Variants in PCDHGA10 observed in about 807,000 individuals in gnomAD.
The protein encoded by PCDHGA10 is protocadherin gamma-A10.
PCDHGA10 carries 42 observed loss-of-function variants against 59.5 expected under a neutral mutation model. The ratio of observed to expected loss-of-function variants is 0.71; its 90% CI spans 0.55 to 0.91. PCDHGA10 has a LOEUF of 0.91. Ranked by LOEUF, PCDHGA10 falls within the 40% of genes least tolerant of loss-of-function variation. The pLI is 0.00. For missense variants in PCDHGA10, 1,111 were observed against 1,198.2 expected, an observed-to-expected ratio of 0.93 and a Z score of 1.07; for synonymous variants, 511 against 517.2, an observed-to-expected ratio of 0.99 and a Z score of 0.16.
Position 141,477,535 on chromosome 5 carries a change from G to A in PCDHGA10, c.2437-17272G>A, listed in dbSNP as rs2099412713. ...ACATTGAAGAAAACAACCTCCCCGG[G>A]GCTCCAATACTAAACCTAAGTGTCT... On this transcript the variant is annotated intron_variant, in intron 1 of 3. Transcript: ENST00000398610. The surrounding 1 kb of genome is among the most constrained non-coding windows in gnomAD (Gnocchi z 4.9). 1.2e-6 allele frequency: 2 copies of A among 1,613,936 alleles called. No homozygotes were observed. The highest frequency in any genetic ancestry group is 2.7e-5 in the African/African-American group (2 of 74,866).
Position 141,486,274 on chromosome 5 carries a change from T to A in PCDHGA10, c.2437-8533T>A. On this transcript the variant is annotated intron_variant, in intron 1 of 3. Coordinates refer to ENST00000398610, the MANE Select transcript of PCDHGA10 (RefSeq NM_018913.3). The surrounding 1 kb of genome is among the most constrained non-coding windows in gnomAD (Gnocchi z 5.0). ...TCCCCGAGAGTGCAGAACCTGGCAC[T>A]GTGGTGGCACTTATCAGTGTGCAGG... is the stretch of plus-strand genomic sequence containing the variant. 5 of 1,614,064 alleles carry A rather than the reference T, an allele frequency of 3.1e-6. No homozygotes were observed. The highest frequency in any genetic ancestry group is 4.2e-6 in the Non-Finnish European group (5 of 1,179,998).
chr5:141,458,464 G>A (rs1035826436), intron 1 of PCDHGA10, among the ~76,000 whole-genome samples: 30 of 152,030 alleles, frequency 2.0e-4, no homozygotes, highest in Admixed American at 9.8e-4. Flanking sequence ...TTAAAATACC[G>A]TACAACTGCA....
chr5:141,510,821 C>G, intron 3 of PCDHGA10, 126 bp from the exon 4 acceptor site: 2 of 1,559,324 alleles, frequency 1.3e-6, no homozygotes, highest in Non-Finnish European at 1.7e-6. Context: ...CCCCTATATT[C>G]CCAGTGCTCA....
chr5:141,477,301 C>T lies in PCDHGA10; in HGVS notation c.2437-17506C>T, dbSNP rs756549446. The T allele has an allele frequency of 6.2e-7, 1 of 1,614,160 alleles. No homozygotes were observed. Among genetic ancestry groups the T allele is most frequent in the East Asian group, 2.2e-5 (1 of 44,872 alleles). Reference sequence around the variant, plus strand: ...TGACCTGCGAAGTTCCACCGGGTCTCCCTTTCAGCCTTACTTCTTCCCTCA... The same window carrying T: ...TGACCTGCGAAGTTCCACCGGGTCTTCCTTTCAGCCTTACTTCTTCCCTCA... On this transcript the variant is annotated intron_variant, in intron 1 of 3. Coordinates refer to ENST00000398610, the MANE Select transcript of PCDHGA10 (RefSeq NM_018913.3). The surrounding 1 kb of genome is among the most constrained non-coding windows in gnomAD (Gnocchi z 4.9).
intron 1 of PCDHGA10, chr5:141,417,801 G>A (rs368563336): frequency 1.3e-6 from 2 of 1,490,494 alleles, no homozygotes; most frequent in South Asian, 1.4e-5. Context: ...CTTTTAGCGC[G>A]GTAGAGTGCA....
chr5:141,472,980 C>CAAAAAAAAAAAAAAAAGAAAAAAAAA (rs2099308501), intron 1 of PCDHGA10, among the ~76,000 whole-genome samples: 1 of 86,106 alleles, frequency 1.2e-5, no homozygotes, highest in Non-Finnish European at 2.5e-5. Context: ...GAGTGAAACT[C>CAAAAAAAAAAAAAAAAGAAAAAAAAA]AAAAAAAAAA....
intron 2 of PCDHGA10, among the ~76,000 whole-genome samples, chr5:141,498,795 T>C (rs2099785702): frequency 6.6e-6 from 1 of 152,032 alleles, no homozygotes; most frequent in Admixed American, 6.6e-5. Context: ...TAGCCAGGTG[T>C]GGTGGTGCAC....
chr5:141,463,097 C>A (rs1333118215), intron 1 of PCDHGA10, among the ~76,000 whole-genome samples: 2 of 152,152 alleles, frequency 1.3e-5, no homozygotes, highest in East Asian at 3.8e-4. Context: ...CCCTATGTGA[C>A]CATCAAGAAT....
At chr5:141,488,139 T>C (rs906194527) in intron 1 of PCDHGA10, among the ~76,000 whole-genome samples, 2 of 152,084 alleles carry the variant, frequency 1.3e-5, no homozygotes, top group Non-Finnish European at 2.9e-5. Context: ...AGGAGAGAAC[T>C]AAAGGAATAG....
chr5:141,480,694 G>A (rs1446014656), intron 1 of PCDHGA10, among the ~76,000 whole-genome samples: 1 of 152,128 alleles, frequency 6.6e-6, no homozygotes, highest in Non-Finnish European at 1.5e-5. Flanking sequence ...TGAAACCCAG[G>A]CCACACCCCG....
Position 141,432,473 on chromosome 5 carries a change from T to G in PCDHGA10, c.2436+16862T>G. On this transcript the variant is annotated intron_variant, in intron 1 of 3. Coordinates refer to ENST00000398610, the MANE Select transcript of PCDHGA10 (RefSeq NM_018913.3). The surrounding 1 kb of genome is among the most constrained non-coding windows in gnomAD (Gnocchi z 6.0). ...GTACCCCGCCCTCCCCACGGACGGT[T>G]CCACTGGCGTGGAGCTGGCTCCCCG... 1 of 1,614,180 alleles carries G rather than the reference T, an allele frequency of 6.2e-7. No individual in the cohort carries two copies. The highest frequency in any genetic ancestry group is 1.1e-5 in the South Asian group (1 of 91,078).
chr5:141,463,208 C>G (rs895284460), intron 1 of PCDHGA10, among the ~76,000 whole-genome samples: 1 of 152,090 alleles, frequency 6.6e-6, no homozygotes, highest in African/African-American at 2.4e-5. Flanking sequence ...CTTGGGGATC[C>G]ATATTAATAT....
rs1199102847 is a variant in PCDHGA10, at chr5:141,477,997, A to G, written c.2437-16810A>G. 2 of 1,614,112 alleles carry G rather than the reference A, an allele frequency of 1.2e-6. No individual in the cohort carries two copies. Among genetic ancestry groups the G allele is most frequent in the Non-Finnish European group, 1.7e-6 (2 of 1,180,016 alleles). On this transcript the variant is annotated intron_variant, in intron 1 of 3. Coordinates refer to ENST00000398610, the MANE Select transcript of PCDHGA10 (RefSeq NM_018913.3). This position sits in a 1 kb window ranked among gnomAD's most constrained non-coding sequence, Gnocchi z 4.9. ...TTGCCATAGGGCTGCACACTGGTCAAATCAGTACTGCCCGTCCAGTCCAAG... is the reference window on the plus strand; with the variant it reads ...TTGCCATAGGGCTGCACACTGGTCAGATCAGTACTGCCCGTCCAGTCCAAG...
chr5:141,453,888 C>T (rs1273180395), intron 1 of PCDHGA10, among the ~76,000 whole-genome samples: 2 of 152,198 alleles, frequency 1.3e-5, no homozygotes, highest in East Asian at 1.9e-4. Flanking sequence ...TGTGGCCAAT[C>T]ACATGACTTC....
rs780836649 is a variant in PCDHGA10 at position 141,414,681 on chromosome 5, G to C, written c.1506G>C (p.Gly502=). 38 of 1,613,836 alleles carry C rather than the reference G, an allele frequency of 2.4e-5. 1 individual carries two copies. The East Asian group carries it at 8.5e-4, about 36-fold the overall frequency. ...CCCTGGCTGAAGACACCATCCAGGG[G>C]GTACCTCTGTCCTCATACATATCCA... ...IYSLAEDTIQ[G]VPLSSYISIN... is the part of the protein sequence containing the mutation. Residue 502 remains glycine, a synonymous_variant, in exon 1 of 4, where the codon GGG becomes GGC. Coordinates refer to ENST00000398610, the MANE Select transcript of PCDHGA10 (RefSeq NM_018913.3).
At chr5:141,497,733 T>G (rs2099779006) in intron 2 of PCDHGA10, among the ~76,000 whole-genome samples, 2 of 152,078 alleles carry the variant, frequency 1.3e-5, no homozygotes, top group Non-Finnish European at 2.9e-5. Context: ...AGAGATGGGT[T>G]TCGCCACGTT....
At chr5:141,464,156 T>C (rs2099077051) in intron 1 of PCDHGA10, among the ~76,000 whole-genome samples, 2 of 151,752 alleles carry the variant, frequency 1.3e-5, no homozygotes, top group Non-Finnish European at 1.5e-5. Context: ...TCCCAGCTAC[T>C]TGGAAGGCTG....
intron 1 of PCDHGA10, among the ~76,000 whole-genome samples, chr5:141,463,809 T>G (rs964935762): frequency 1.3e-5 from 2 of 152,216 alleles, no homozygotes; most frequent in African/African-American, 4.8e-5. Context: ...TAAAAGCTTT[T>G]ATCACACATT....
chr5:141,433,914 C>A (rs2097664630), intron 1 of PCDHGA10, among the ~76,000 whole-genome samples: 1 of 151,702 alleles, frequency 6.6e-6, no homozygotes, highest in Admixed American at 6.6e-5. Context: ...TTACAATCAC[C>A]TCCAAATGAA....
Sources: gnomAD v4.1 joint callset for allele counts (sites outside exome capture counted in the v4.1 genomes callset) on GRCh38, gnomAD v4.1.1 for gene constraint, Gnocchi (gnomAD v3.1) non-coding constraint, MANE v1.5 for transcripts, NCBI Gene and HGNC (gene_info 2026-07-23, HGNC 2026-07-21) for gene names.